NAALADL2: variants seen among roughly 807,000 people sequenced by gnomAD.
NAALADL2 encodes the protein inactive N-acetylated-alpha-linked acidic dipeptidase-like protein 2.
NAALADL2 carries 76 observed loss-of-function variants against 87.2 expected under a neutral mutation model. The ratio of observed to expected loss-of-function variants is 0.87; its 90% CI spans 0.72 to 1.05. NAALADL2 has a LOEUF of 1.05. NAALADL2 is among the 50% of genes least tolerant of loss of function. NAALADL2 has a pLI of 0.00. For missense variants in NAALADL2, 1,089 were observed against 945.8 expected (o/e 1.15, Z -1.99); for synonymous variants, 354 against 331.0 (o/e 1.07, Z -0.75).
chr3:175,247,930 C>T (rs1049650133), intron 3 of NAALADL2, among the ~76,000 whole-genome samples: 1 of 152,150 alleles, frequency 6.6e-6, no homozygotes, highest in African/African-American at 2.4e-5. Context: ...TCAAAATCTT[C>T]ATTTCACTAA....
At chr3:174,819,520 G>A (rs1721199299) in intron 3 of NAALADL2, among the ~76,000 whole-genome samples, 1 of 151,928 alleles carries the variant, frequency 6.6e-6, no homozygotes, top group Admixed American at 6.6e-5. Flanking sequence ...CTCATACACG[G>A]ACTCGAGGTC....
chr3:175,630,086 T>G (rs1482213570), intron 11 of NAALADL2, among the ~76,000 whole-genome samples: 1 of 151,796 alleles, frequency 6.6e-6, no homozygotes, highest in Non-Finnish European at 1.5e-5. Context: ...TCAATCATCA[T>G]GTCTACTTGC....
At chr3:174,651,061 T>C (rs1724305520) in intron 2 of NAALADL2, among the ~76,000 whole-genome samples, 1 of 152,200 alleles carries the variant, frequency 6.6e-6, no homozygotes, top group Non-Finnish European at 1.5e-5. Context: ...CTACCTCATG[T>C]AAGTTCTGCT....
intron 1 of NAALADL2, among the ~76,000 whole-genome samples, chr3:175,043,059 G>T (rs1244148569): frequency 6.6e-6 from 1 of 152,094 alleles, no homozygotes; most frequent in African/African-American, 2.4e-5. Flanking sequence ...CTCATCAGTT[G>T]CAGATCCTCA....
At chr3:174,823,321 A>G (rs1188587163) in intron 3 of NAALADL2, among the ~76,000 whole-genome samples, 1 of 151,850 alleles carries the variant, frequency 6.6e-6, no homozygotes, top group Non-Finnish European at 1.5e-5. Flanking sequence ...TCATTGCAAG[A>G]TCCTAATTAA....
intron 3 of NAALADL2, among the ~76,000 whole-genome samples, chr3:175,243,499 C>T (rs1270243558): frequency 6.9e-6 from 1 of 144,166 alleles, no homozygotes; most frequent in Non-Finnish European, 1.5e-5. Flanking sequence ...AATCTTTAAA[C>T]CATAGAAATT....
intron 5 of NAALADL2, among the ~76,000 whole-genome samples, chr3:175,367,306 T>C (rs62287967): frequency 0.25 from 37,770 of 149,726 alleles, 5,329 homozygotes; most frequent in East Asian, 0.49. Context: ...TGCCTCCAGC[T>C]TTGTTCTTTT....
intron 1 of NAALADL2, among the ~76,000 whole-genome samples, chr3:174,926,070 C>T (rs370009617): frequency 7.2e-5 from 11 of 151,972 alleles, no homozygotes; most frequent in South Asian, 2.1e-4. Flanking sequence ...GCACAAGCTT[C>T]GGTAGCCGAT....
At chr3:175,795,422 C>A (rs572700224) in intron 13 of NAALADL2, among the ~76,000 whole-genome samples, 2 of 151,956 alleles carry the variant, frequency 1.3e-5, no homozygotes, top group East Asian at 3.9e-4. Context: ...GCCTGTAATC[C>A]CAGCATTTTG....
At chr3:175,755,588 A>T (rs1747164384) in intron 13 of NAALADL2, among the ~76,000 whole-genome samples, 170 bp downstream of exon 13, 1 of 152,208 alleles carries the variant, frequency 6.6e-6, no homozygotes, top group African/African-American at 2.4e-5. Flanking sequence ...AACTGCAGAA[A>T]TATAAAATAA....
chr3:174,883,423 C>T (rs1729676216), intron 1 of NAALADL2, among the ~76,000 whole-genome samples: 1 of 152,064 alleles, frequency 6.6e-6, no homozygotes, highest in Non-Finnish European at 1.5e-5. Flanking sequence ...ATAATTACGC[C>T]TAACATGACA....
chr3:174,920,827 C>A (rs1735073452), intron 1 of NAALADL2, among the ~76,000 whole-genome samples: 1 of 152,108 alleles, frequency 6.6e-6, no homozygotes, highest in Non-Finnish European at 1.5e-5. Flanking sequence ...CTTCTTTTCA[C>A]TTTAACATGT....
At chr3:175,367,500 G>A (rs961438162) in intron 5 of NAALADL2, among the ~76,000 whole-genome samples, 8 of 152,122 alleles carry the variant, frequency 5.3e-5, no homozygotes, top group African/African-American at 1.7e-4. Flanking sequence ...AGCATGGAAT[G>A]TTCTTCCATT....
intron 3 of NAALADL2, among the ~76,000 whole-genome samples, chr3:174,810,835 C>T (rs1720095484): frequency 6.6e-6 from 1 of 152,134 alleles, no homozygotes; most frequent in Non-Finnish European, 1.5e-5. Flanking sequence ...AACTTCATGG[C>T]TACTCCCCCC....
chr3:174,896,471 G>A (rs983495220), intron 1 of NAALADL2, among the ~76,000 whole-genome samples: 5 of 152,044 alleles, frequency 3.3e-5, no homozygotes, highest in Non-Finnish European at 5.9e-5. Flanking sequence ...AGAATTAAAG[G>A]ATCTCTATGA....
intron 1 of NAALADL2, among the ~76,000 whole-genome samples, chr3:174,985,859 G>A (rs1244162654): frequency 6.6e-6 from 1 of 152,050 alleles, no homozygotes; most frequent in Non-Finnish European, 1.5e-5. Context: ...GGCTGGGGCA[G>A]GAGAATTGCT....
chr3:174,816,090 A>G (rs1356666308), intron 3 of NAALADL2, among the ~76,000 whole-genome samples: 4 of 152,060 alleles, frequency 2.6e-5, no homozygotes, highest in Admixed American at 1.3e-4. Context: ...TCATTCATTG[A>G]CAAAATATAT....
intron 9 of NAALADL2, among the ~76,000 whole-genome samples, chr3:175,477,698 G>C (rs1414887719): frequency 1.3e-5 from 2 of 152,158 alleles, no homozygotes; most frequent in South Asian, 4.1e-4. Context: ...GTTACAAATA[G>C]TCACTGTGCA....
chr3:175,669,055 A>G (rs964766864), intron 11 of NAALADL2, among the ~76,000 whole-genome samples: 3 of 152,122 alleles, frequency 2.0e-5, no homozygotes, highest in Non-Finnish European at 4.4e-5. Context: ...TTTAAAGAAC[A>G]GATTACTCTA....
Sources: allele counts gnomAD v4.1 joint callset (sites outside exome capture counted in the v4.1 genomes callset), GRCh38; gene constraint gnomAD v4.1.1; transcripts MANE v1.5; gene names NCBI Gene and HGNC (gene_info 2026-07-23, HGNC 2026-07-21).